The following ITGB2 variants were observed in gnomAD, a reference collection of about 807,000 sequenced individuals.
ITGB2 encodes integrin subunit beta 2.
Under a neutral mutation model 86.8 loss-of-function variants are expected in ITGB2, and 56 were observed. That is an observed-to-expected ratio of 0.65 (90% CI 0.52 to 0.81). The LOEUF is 0.81. Ranked by LOEUF, ITGB2 falls within the 30% of genes least tolerant of loss-of-function variation. The pLI is 0.00. For synonymous variants in ITGB2, 457 were observed against 450.4 expected (o/e 1.01, Z -0.19); for missense variants, 948 against 1,061.2 (o/e 0.89, Z 1.48).
At chr21:44,911,691 C>T (rs1020455883) in intron 1 of ITGB2, among the ~76,000 whole-genome samples, 6 of 152,228 alleles carry the variant, frequency 3.9e-5, no homozygotes, top group African/African-American at 1.2e-4. Context: ...ACACCCACCC[C>T]GTCCTTAACC....
rs768557225 is a variant in ITGB2 at position 44,891,946 on chromosome 21, C to T, written c.1275G>A (p.Ser425=). The change falls in exon 11 of 16, where the codon TCG becomes TCA. Residue 425 remains serine, a synonymous_variant. Transcript: ENST00000652462. The stretch of plus-strand genomic sequence containing the variant: ...TGAAGCCCAGCGCCCGGATGACAAA[C>T]GACTGCTCCTGGATGCACTCTGTGG... The part of the protein sequence containing the change: ...VTATECIQEQ[S]FVIRALGFTD... 22 of 1,613,296 alleles carry T rather than the reference C, an allele frequency of 1.4e-5. No homozygotes were observed. Among genetic ancestry groups the T allele is most frequent in the South Asian group, 2.2e-5 (2 of 91,086 alleles).
chr21:44,921,325 G>A (rs1218309499), upstream of ITGB2: 2 of 152,528 alleles, frequency 1.3e-5, no homozygotes, highest in East Asian at 3.8e-4. Context: ...GGAGGATAAA[G>A]AGGTGGGAAC....
chr21:44,920,071 G>A (rs1290382329), intron 1 of ITGB2, among the ~76,000 whole-genome samples: 1 of 152,180 alleles, frequency 6.6e-6, no homozygotes, highest in Non-Finnish European at 1.5e-5. Context: ...CTCCCCTACA[G>A]CAAGACGTCA....
At chr21:44,902,550 C>T (rs1020964569) in intron 5 of ITGB2, among the ~76,000 whole-genome samples, 3 of 149,920 alleles carry the variant, frequency 2.0e-5, no homozygotes, top group Non-Finnish European at 3.0e-5. Flanking sequence ...CATGCATTCA[C>T]GTGTGTGTGC....
chr21:44,917,850 T>A (rs1052193289), intron 1 of ITGB2, among the ~76,000 whole-genome samples: 1 of 152,212 alleles, frequency 6.6e-6, no homozygotes, highest in East Asian at 1.9e-4. Flanking sequence ...GGGCTAACTC[T>A]TCTGCACTCT....
intron 14 of ITGB2, 66 bp downstream of exon 14, chr21:44,888,627 C>T (rs2083732720): frequency 2.5e-5 from 39 of 1,542,404 alleles, no homozygotes; most frequent in East Asian, 6.8e-5. Flanking sequence ...GCACCACCCT[C>T]GCCTCTGCGG....
intron 8 of ITGB2, among the ~76,000 whole-genome samples, chr21:44,897,290 C>T (rs577301754): frequency 2.0e-4 from 30 of 152,338 alleles, no homozygotes; most frequent in African/African-American, 4.1e-4. Flanking sequence ...ACAAAAGCAG[C>T]GGCCCTCCCG....
chr21:44,898,911 G>A (rs1463630138), intron 8 of ITGB2, among the ~76,000 whole-genome samples, 156 bp downstream of exon 8: 2 of 152,122 alleles, frequency 1.3e-5, no homozygotes, highest in African/African-American at 2.4e-5. Context: ...GGGAAGCCTC[G>A]GGCTCCTCAC....
At chr21:44,889,627 A>G in intron 12 of ITGB2, 132 bp from the exon 13 acceptor site, 1 of 928,056 alleles carries the variant, frequency 1.1e-6, no homozygotes, top group African/African-American at 1.6e-5. Context: ...AGCAAAAGGC[A>G]TGGGGCCACT....
chr21:44,887,672 C>T (rs2083719226), intron 14 of ITGB2, among the ~76,000 whole-genome samples: 1 of 152,210 alleles, frequency 6.6e-6, no homozygotes, highest in African/African-American at 2.4e-5. Flanking sequence ...CCTGGGGGAC[C>T]TGCCTTCCTT....
Position 44,894,831 on chromosome 21 carries a change from T to C in ITGB2, c.1083+140A>G, listed in dbSNP as rs146099320. 37 of 712,598 alleles carry C rather than the reference T, an allele frequency of 5.2e-5. No individual in the cohort carries two copies. The East Asian group carries it at 9.8e-4, about 19-fold the overall frequency. 44.1% of individuals were successfully genotyped at this position (712,598 alleles called of 1,614,324 possible). A position where few individuals can be genotyped will look rare whatever the true frequency, so the allele number is the denominator to read the frequency against. ...GGTGTCCTGGAGGCCTGAGGGCAGGTCGGGAGGCTGCAGCTGGCCCACGGG... is the reference window on the plus strand; with the variant it reads ...GGTGTCCTGGAGGCCTGAGGGCAGGCCGGGAGGCTGCAGCTGGCCCACGGG... On this transcript the variant is annotated intron_variant, in intron 9 of 15. Transcript: ENST00000652462.
At chr21:44,913,433 C>T (rs1339460629) in intron 1 of ITGB2, among the ~76,000 whole-genome samples, 1 of 152,170 alleles carries the variant, frequency 6.6e-6, no homozygotes, top group Non-Finnish European at 1.5e-5. Context: ...AGAGGGGGTG[C>T]ACCTTGATTC....
At position 44,894,951 on chromosome 21, in the gene ITGB2, G is replaced by A; in HGVS notation, c.1083+20C>T. The A allele has an allele frequency of 6.5e-7, 1 of 1,528,424 alleles. No homozygotes were observed. Among genetic ancestry groups the A allele is most frequent in the African/African-American group, 1.4e-5 (1 of 73,220 alleles). 94.7% of individuals were successfully genotyped at this position (1,528,424 alleles called of 1,614,324 possible). ...GCTGGCCACCCCATGGGTCCCAGCT[G>A]AGTGGTGCGGGAGACTCACATTGTA... is the stretch of plus-strand genomic sequence containing the variant. On this transcript the variant is annotated intron_variant, in intron 9 of 15. Transcript: ENST00000652462.
chr21:44,889,921 C>A, intron 12 of ITGB2, 57 bp downstream of exon 12: 3 of 1,607,578 alleles, frequency 1.9e-6, no homozygotes, highest in Non-Finnish European at 2.5e-6. Flanking sequence ...ACGCACCCCC[C>A]AACACCAAGT....
chr21:44,922,087 G>C (rs951024463), upstream of ITGB2, among the ~76,000 whole-genome samples: 2 of 152,196 alleles, frequency 1.3e-5, no homozygotes, highest in African/African-American at 4.8e-5. Context: ...AGAAATACAA[G>C]AGCAGATGAT....
chr21:44,912,484 A>C (rs1166279400), intron 1 of ITGB2, among the ~76,000 whole-genome samples: 1 of 152,196 alleles, frequency 6.6e-6, no homozygotes, highest in African/African-American at 2.4e-5. Flanking sequence ...TCCCAGCAAA[A>C]TTATAATCAG....
intron 8 of ITGB2, among the ~76,000 whole-genome samples, chr21:44,896,966 A>G (rs1334917305): frequency 6.6e-6 from 1 of 152,114 alleles, no homozygotes; most frequent in African/African-American, 2.4e-5. Flanking sequence ...CGTCATGGCC[A>G]CCTACAGATG....
In ITGB2 at chr21:44,899,099, C is replaced by G; in HGVS notation, c.961G>C (p.Ala321Pro). Residue 321 changes from alanine to proline, a missense_variant, in exon 8 of 16, where the codon GCG (alanine) becomes CCG (proline). Transcript: ENST00000652462. ...LAENNIQPIFAVTSRMVKTYE... is the reference protein window; with the variant it reads ...LAENNIQPIFPVTSRMVKTYE... ...GTCTTCACCATCCTACTGGTCACCG[C>G]GAAGATGGGCTGGATGTTGTTTTCA... The G allele has an allele frequency of 1.2e-6, 2 of 1,614,174 alleles. No homozygotes were observed. The highest frequency in any genetic ancestry group is 1.7e-6 in the Non-Finnish European group (2 of 1,179,998).
chr21:44,905,537 C>G (rs1415143639), intron 4 of ITGB2, among the ~76,000 whole-genome samples: 3 of 152,224 alleles, frequency 2.0e-5, no homozygotes, highest in Non-Finnish European at 4.4e-5. Context: ...GGCAACACCT[C>G]TGTCAGCCTC....
Sources: gnomAD v4.1 joint callset for allele counts (sites outside exome capture counted in the v4.1 genomes callset) on GRCh38, gnomAD v4.1.1 for gene constraint, MANE v1.5 for transcripts, NCBI Gene and HGNC (gene_info 2026-07-23, HGNC 2026-07-21) for gene names.